Variants in ELF5 observed in about 807,000 individuals in gnomAD.
ELF5 encodes the protein E74 like ETS transcription factor 5.
Under a neutral mutation model 38.2 loss-of-function variants are expected in ELF5, and 31 were observed. The ratio of observed to expected loss-of-function variants is 0.81; its 90% CI spans 0.61 to 1.10. The LOEUF is 1.10. Ranked by LOEUF, ELF5 falls within the 50% of genes least tolerant of loss-of-function variation. The pLI, the probability that ELF5 is intolerant of heterozygous loss-of-function variation, is 0.00. For missense variants in ELF5, 300 were observed against 306.6 expected (o/e 0.98, Z 0.16); for synonymous variants, 121 against 112.5 (o/e 1.08, Z -0.48).
chr11:34,489,328 T>C (rs543753305), intron 4 of ELF5, among the ~76,000 whole-genome samples: 48 of 152,290 alleles, frequency 3.2e-4, no homozygotes, highest in African/African-American at 9.6e-4. Flanking sequence ...GAAATCACCA[T>C]GCGCTCTGCT....
chr11:34,501,902 G>A (rs748869139), intron 2 of ELF5, among the ~76,000 whole-genome samples: 14 of 152,080 alleles, frequency 9.2e-5, no homozygotes, highest in Non-Finnish European at 1.9e-4. Flanking sequence ...TGTCTAGAAG[G>A]CACATCATTT....
intron 2 of ELF5, among the ~76,000 whole-genome samples, chr11:34,497,536 CAGA>C (rs1850348120): frequency 6.6e-6 from 1 of 152,180 alleles, no homozygotes; most frequent in African/African-American, 2.4e-5. Context: ...CATTTAAATT[CAGA>C]AGGAGGACTT....
intron 1 of ELF5, chr11:34,511,723 G>C (rs1850763433): frequency 4.4e-6 from 4 of 913,090 alleles, no homozygotes. Context: ...AATAACAGGT[G>C]TGGCTCCCAT....
rs556519385 is a variant in ELF5, at chr11:34,511,404, G to A, written c.-5+2273C>T. The A allele has an allele frequency of 1.1e-4, 126 of 1,175,168 alleles. No individual in the cohort carries two copies. In the African/African-American group the frequency reaches 1.4e-3, roughly 13 times the overall value. 72.8% of individuals were successfully genotyped at this position (1,175,168 alleles called of 1,614,324 possible). ...TCACTCACTGCCCACCGATAGATCC[G>A]TGGAAGCTGGAATCAGTTTCCCCCA... On this transcript the variant is annotated intron_variant, in intron 1 of 6. Coordinates refer to ENST00000257832, the MANE Select transcript of ELF5 (RefSeq NM_001422.4).
intron 2 of ELF5, 88 bp from the exon 3 acceptor site, chr11:34,493,800 C>G: frequency 8.8e-7 from 1 of 1,136,798 alleles, no homozygotes; most frequent in Non-Finnish European, 1.3e-6. Context: ...TAAGTAACAT[C>G]CTCATTCCTC....
intron 2 of ELF5, among the ~76,000 whole-genome samples, chr11:34,498,704 A>G (rs1436314945): frequency 6.6e-6 from 1 of 152,208 alleles, no homozygotes; most frequent in Non-Finnish European, 1.5e-5. Flanking sequence ...ATGCATCTTC[A>G]AGAGAAAGAT....
Position 34,480,972 on chromosome 11 carries a change from T to C in ELF5, c.476-5A>G. Reference sequence around the variant, plus strand: ...ATAGATGAGAACTTTGGAGGCCTTTTGAAAAGGGGAAAACATTAACTATTT... The same window carrying C: ...ATAGATGAGAACTTTGGAGGCCTTTCGAAAAGGGGAAAACATTAACTATTT... On this transcript the variant is annotated splice_region_variant and splice_polypyrimidine_tract_variant and intron_variant, in intron 5 of 6. Coordinates refer to ENST00000257832, the MANE Select transcript of ELF5 (RefSeq NM_001422.4). The C allele has an allele frequency of 6.3e-7, 1 of 1,591,130 alleles. No individual in the cohort carries two copies. The highest frequency in any genetic ancestry group is 8.5e-7 in the Non-Finnish European group (1 of 1,171,724).
chr11:34,489,842 G>A (rs901052516), intron 4 of ELF5, among the ~76,000 whole-genome samples, 167 bp downstream of exon 4: 4 of 151,438 alleles, frequency 2.6e-5, no homozygotes, highest in African/African-American at 4.9e-5. Flanking sequence ...CCACACCCAC[G>A]CTCTTTCTGT....
At chr11:34,498,168 A>G (rs1362760642) in intron 2 of ELF5, among the ~76,000 whole-genome samples, 2 of 152,190 alleles carry the variant, frequency 1.3e-5, no homozygotes, top group African/African-American at 4.8e-5. Flanking sequence ...AATAAAAATA[A>G]TAGGACCTAC....
intron 3 of ELF5, chr11:34,491,751 T>C (rs1850178909): frequency 6.6e-6 from 1 of 152,166 alleles, no homozygotes; most frequent in Admixed American, 6.6e-5. Context: ...TAATTTTGTA[T>C]TTTTAGTAGA....
intron 2 of ELF5, among the ~76,000 whole-genome samples, chr11:34,496,050 C>T (rs111675770): frequency 1.3e-5 from 2 of 152,156 alleles, no homozygotes; most frequent in South Asian, 2.1e-4. Flanking sequence ...GCTCTGTTCC[C>T]GTTTCCCTCC....
At chr11:34,511,552 G>A (rs756495257) in intron 1 of ELF5, 1 of 1,614,250 alleles carries the variant, frequency 6.2e-7, no homozygotes, top group South Asian at 1.1e-5. Context: ...ACCTGTGGGA[G>A]TGAGGCAGAG....
intron 2 of ELF5, among the ~76,000 whole-genome samples, chr11:34,505,050 C>T (rs1210697410): frequency 6.6e-6 from 1 of 152,206 alleles, no homozygotes; most frequent in Non-Finnish European, 1.5e-5. Context: ...TCAATAACCA[C>T]AGTGTGATAT....
intron 1 of ELF5, among the ~76,000 whole-genome samples, chr11:34,508,389 G>C (rs768865935): frequency 1.9e-4 from 29 of 152,086 alleles, no homozygotes; most frequent in Non-Finnish European, 3.8e-4. Context: ...TGCAATCCCA[G>C]CTACTCGGGA....
intron 3 of ELF5, chr11:34,492,717 C>A: frequency 6.6e-6 from 1 of 152,664 alleles, no homozygotes; most frequent in Non-Finnish European, 1.5e-5. Context: ...AGTGGGGATT[C>A]AGACAGCTTA....
At chr11:34,482,365 AG>A (rs1856960868) in intron 5 of ELF5, 65 bp downstream of exon 5, 2 of 1,438,882 alleles carry the variant, frequency 1.4e-6, no homozygotes, top group African/African-American at 2.8e-5. Flanking sequence ...AGCTTATTAA[AG>A]TAGATGACTT....
Position 34,480,110 on chromosome 11 carries a change from T to C in ELF5, c.*108A>G. 1 of 870,060 alleles carries C rather than the reference T, an allele frequency of 1.1e-6. No homozygotes were observed. Among genetic ancestry groups the C allele is most frequent in the Non-Finnish European group, 1.8e-6 (1 of 556,120 alleles). 53.9% of individuals were successfully genotyped at this position (870,060 alleles called of 1,614,324 possible). A position where few individuals can be genotyped will look rare whatever the true frequency, so the allele number is the denominator to read the frequency against. The stretch of plus-strand genomic sequence containing the variant: ...TGTGGAGAAATTTTATCAGCATGTT[T>C]GCAGGTTAAAAAAAAAGAGAAGAAA... On this transcript the variant is annotated 3_prime_UTR_variant, in exon 7 of 7. Transcript: ENST00000257832.
In ELF5 at chr11:34,479,758, T is replaced by A. The variant is rs1467084219; in HGVS notation, c.*460A>T. Reference sequence around the variant, plus strand: ...TAATTTAAAATCTAAAGTATGTATGTCTTATATCTCACCCTCTCCTACCAT... The same window carrying A: ...TAATTTAAAATCTAAAGTATGTATGACTTATATCTCACCCTCTCCTACCAT... On this transcript the variant is annotated 3_prime_UTR_variant, in exon 7 of 7. Transcript: ENST00000257832. The A allele has an allele frequency of 1.3e-5, 2 of 155,040 alleles. No individual in the cohort carries two copies. The highest frequency in any genetic ancestry group is 2.4e-5 in the African/African-American group (1 of 41,564). 9.6% of individuals were successfully genotyped at this position (155,040 alleles called of 1,614,324 possible). A position where few individuals can be genotyped will look rare whatever the true frequency, so the allele number is the denominator to read the frequency against.
chr11:34,483,931 C>T (rs896850401), intron 4 of ELF5, among the ~76,000 whole-genome samples: 3 of 151,696 alleles, frequency 2.0e-5, no homozygotes, highest in African/African-American at 7.3e-5. Flanking sequence ...CTGTACTGTA[C>T]CAACTATACT....
Sources: allele counts gnomAD v4.1 joint callset (sites outside exome capture counted in the v4.1 genomes callset), GRCh38; gene constraint gnomAD v4.1.1; transcripts MANE v1.5; gene names NCBI Gene and HGNC (gene_info 2026-07-23, HGNC 2026-07-21).